Variants in CPED1 observed in about 807,000 individuals in gnomAD.
The protein encoded by CPED1 is cadherin-like and PC-esterase domain-containing protein 1.
A neutral mutation model predicts 128.2 loss-of-function variants in CPED1; 114 were observed. The observed-to-expected ratio is 0.89, with a 90% confidence interval of 0.76 to 1.04. The LOEUF (loss-of-function observed/expected upper bound fraction) is 1.04, where lower values mean the gene tolerates loss of function less well. Among genes scored for constraint, CPED1 ranks in the 50% least tolerant of loss-of-function variants. The pLI, the probability that CPED1 is intolerant of heterozygous loss-of-function variation, is 0.00. For missense variants in CPED1, 1,211 were observed against 1,207.1 expected (o/e 1.00, Z -0.05); for synonymous variants, 462 against 426.7 (o/e 1.08, Z -1.02).
chr7:121,251,221 A>G (rs1400195007), intron 18 of CPED1, among the ~76,000 whole-genome samples: 1 of 152,218 alleles, frequency 6.6e-6, no homozygotes, highest in Non-Finnish European at 1.5e-5. Context: ...AAACCACATG[A>G]TTATCTCAAT....
At chr7:121,187,752 T>C (rs1431355261) in intron 16 of CPED1, among the ~76,000 whole-genome samples, 1 of 152,134 alleles carries the variant, frequency 6.6e-6, no homozygotes, top group Non-Finnish European at 1.5e-5. Context: ...CCCAGAATTA[T>C]AAAATCTCTA....
intron 16 of CPED1, among the ~76,000 whole-genome samples, chr7:121,196,075 C>G (rs1167678703): frequency 6.6e-6 from 1 of 152,058 alleles, no homozygotes; most frequent in Non-Finnish European, 1.5e-5. Context: ...AGTAGCGCCT[C>G]AGGGTGGAAT....
Position 121,130,271 on chromosome 7 carries a change from G to C in CPED1, c.1554G>C (p.Lys518Asn), listed in dbSNP as rs749803161. The change falls in exon 12 of 23, where the codon AAG (lysine) becomes AAC (asparagine). Residue 518 changes from lysine (K) to asparagine (N), a missense_variant. Transcript: ENST00000310396. ...VFEQFQFMNK[K>N]TQPHPLEWNS... ...AACAATTTCAGTTCATGAATAAAAAGACACAGCCACATCCACTGGAATGGT... is the reference window on the plus strand; with the variant it reads ...AACAATTTCAGTTCATGAATAAAAACACACAGCCACATCCACTGGAATGGT... The C allele has an allele frequency of 3.1e-6, 5 of 1,604,922 alleles. No homozygotes were observed. The highest frequency in any genetic ancestry group is 4.2e-6 in the Non-Finnish European group (5 of 1,176,702).
intron 3 of CPED1, among the ~76,000 whole-genome samples, chr7:121,044,663 T>TTTTTTTTTTG (rs1793146826): frequency 7.1e-6 from 1 of 140,198 alleles, no homozygotes; most frequent in Non-Finnish European, 1.5e-5. Context: ...TTTTTTTTTT[T>TTTTTTTTTTG]TTTTTTGCTA....
intron 16 of CPED1, among the ~76,000 whole-genome samples, chr7:121,204,339 G>T (rs1797470510): frequency 6.6e-6 from 1 of 152,096 alleles, no homozygotes; most frequent in Admixed American, 6.6e-5. Flanking sequence ...AAGGGATAGG[G>T]ATACTGAAGG....
At chr7:121,214,250 A>T (rs1797708062) in intron 16 of CPED1, among the ~76,000 whole-genome samples, 1 of 152,008 alleles carries the variant, frequency 6.6e-6, no homozygotes, top group South Asian at 2.1e-4. Flanking sequence ...AATAAATATC[A>T]TAGGATAGTG....
chr7:121,113,071 A>G (rs1180090068), intron 7 of CPED1, among the ~76,000 whole-genome samples: 4 of 152,216 alleles, frequency 2.6e-5, no homozygotes, highest in Non-Finnish European at 5.9e-5. Context: ...AATTTCACCC[A>G]CAATAAATAG....
intron 16 of CPED1, among the ~76,000 whole-genome samples, chr7:121,176,025 G>C (rs1392138113): frequency 6.6e-6 from 1 of 151,886 alleles, no homozygotes. Context: ...GGACAGTCTA[G>C]AATGTATACC....
intron 22 of CPED1, among the ~76,000 whole-genome samples, chr7:121,293,830 G>T (rs1792764433): frequency 6.6e-6 from 1 of 151,902 alleles, no homozygotes; most frequent in Non-Finnish European, 1.5e-5. Context: ...CCCTCCATGG[G>T]CTGCACCCAC....
intron 16 of CPED1, among the ~76,000 whole-genome samples, chr7:121,153,973 G>C (rs1439666182): frequency 6.6e-6 from 1 of 152,098 alleles, no homozygotes; most frequent in East Asian, 1.9e-4. Context: ...ATACAAATCT[G>C]TTATAGAAAG....
In CPED1 at chr7:121,214,262, C is replaced by T. The variant is rs185910564; in HGVS notation, c.2056-22452C>T. ...ATTAATAAATATCATAGGATAGTGA[C>T]CTTTAAGGCTGCTCCTTAGAGTATT... On this transcript the variant is annotated intron_variant, in intron 16 of 22. Coordinates refer to ENST00000310396, the MANE Select transcript of CPED1 (RefSeq NM_024913.5). Among the ~76,000 whole-genome samples, 40 of 151,998 alleles carry T rather than the reference C, an allele frequency of 2.6e-4. 1 individual carries two copies. The highest frequency in any genetic ancestry group is 9.2e-4 in the African/African-American group (38 of 41,492).
chr7:121,096,261 G>A (rs1303710630), intron 5 of CPED1, among the ~76,000 whole-genome samples: 2 of 152,076 alleles, frequency 1.3e-5, no homozygotes, highest in South Asian at 2.1e-4. Flanking sequence ...TGAGATACGG[G>A]AATACATTGA....
chr7:121,155,039 A>G (rs751923292), intron 16 of CPED1, among the ~76,000 whole-genome samples: 2 of 152,210 alleles, frequency 1.3e-5, no homozygotes, highest in Non-Finnish European at 2.9e-5. Flanking sequence ...TGCAAAATCA[A>G]CATACAAAAA....
intron 16 of CPED1, among the ~76,000 whole-genome samples, chr7:121,199,906 A>G (rs1029208051): frequency 1.3e-5 from 2 of 152,080 alleles, no homozygotes; most frequent in Non-Finnish European, 2.9e-5. Flanking sequence ...TTATGTTTCA[A>G]TATATAATCA....
intron 2 of CPED1, among the ~76,000 whole-genome samples, chr7:121,008,422 T>C (rs184250168): frequency 6.6e-6 from 1 of 152,182 alleles, no homozygotes; most frequent in Non-Finnish European, 1.5e-5. Flanking sequence ...AAAAGTATTA[T>C]GGTACTGGCC....
At chr7:121,214,273 G>C (rs887842625) in intron 16 of CPED1, among the ~76,000 whole-genome samples, 1 of 151,898 alleles carries the variant, frequency 6.6e-6, no homozygotes, top group Admixed American at 6.6e-5. Context: ...CTTTAAGGCT[G>C]CTCCTTAGAG....
intron 16 of CPED1, among the ~76,000 whole-genome samples, chr7:121,167,238 T>C (rs1365061379): frequency 1.3e-5 from 2 of 152,174 alleles, no homozygotes; most frequent in Non-Finnish European, 2.9e-5. Flanking sequence ...CTGCTTACAC[T>C]TGTTAATAGG....
intron 18 of CPED1, among the ~76,000 whole-genome samples, chr7:121,248,725 C>T: frequency 6.6e-6 from 1 of 151,972 alleles, no homozygotes; most frequent in Non-Finnish European, 1.5e-5. Flanking sequence ...AACACTAACT[C>T]TCCCAAATAA....
Position 121,128,413 on chromosome 7 carries a change from G to A in CPED1, c.1334G>A (p.Cys445Tyr), listed in dbSNP as rs1795561817. ...AACTATCAAAAGGAACTAAATCAGT[G>A]TCTGTCCTTAGAAGAAATTAACTCA... ...GENYQKELNQCLSLEEINSIM... is the reference protein window; with the variant it reads ...GENYQKELNQYLSLEEINSIM... The change falls in exon 11 of 23, where the codon TGT (cysteine) becomes TAT (tyrosine). Residue 445 changes from cysteine to tyrosine, a missense_variant. By Grantham distance (194) the Cys-to-Tyr change is radical. Coordinates refer to ENST00000310396, the MANE Select transcript of CPED1 (RefSeq NM_024913.5). The A allele has an allele frequency of 4.4e-6, 7 of 1,600,388 alleles. No homozygotes were observed. The highest frequency in any genetic ancestry group is 2.2e-5 in the East Asian group (1 of 44,728).
Sources: allele counts gnomAD v4.1 joint callset (sites outside exome capture counted in the v4.1 genomes callset), GRCh38; gene constraint gnomAD v4.1.1; transcripts MANE v1.5; gene names NCBI Gene and HGNC (gene_info 2026-07-23, HGNC 2026-07-21).